Variants in TRHDE observed in about 807,000 individuals in gnomAD.
TRHDE encodes the protein thyrotropin releasing hormone degrading enzyme.
Under a neutral mutation model 125.7 loss-of-function variants are expected in TRHDE, and 72 were observed. That is an observed-to-expected ratio of 0.57 (90% CI 0.47 to 0.70). TRHDE has a LOEUF of 0.70. Ranked by LOEUF, TRHDE falls within the 30% of genes least tolerant of loss-of-function variation. The pLI is 0.00. For synonymous variants in TRHDE, 509 were observed against 509.1 expected (o/e 1.00, Z 0.00); for missense variants, 1,110 against 1,327.1 (o/e 0.84, Z 2.54).
intron 7 of TRHDE, among the ~76,000 whole-genome samples, chr12:72,554,117 G>A (rs1869809965): frequency 6.6e-6 from 1 of 152,020 alleles, no homozygotes. Context: ...CAAAGTGCCA[G>A]GATTACAGGA....
intron 1 of TRHDE, among the ~76,000 whole-genome samples, chr12:72,099,523 C>T (rs190224838): frequency 6.6e-6 from 1 of 152,204 alleles, no homozygotes; most frequent in Non-Finnish European, 1.5e-5. Flanking sequence ...AATACATAAC[C>T]TGTCAGTTGA....
intron 3 of TRHDE, among the ~76,000 whole-genome samples, chr12:72,462,784 G>A (rs765931781): frequency 1.3e-4 from 20 of 152,036 alleles, no homozygotes; most frequent in Non-Finnish European, 2.2e-4. Flanking sequence ...AGCCCCAATT[G>A]CAGTCTCATA....
chr12:72,353,893 G>T (rs1870695244), intron 2 of TRHDE, among the ~76,000 whole-genome samples: 1 of 118,814 alleles, frequency 8.4e-6, no homozygotes, highest in South Asian at 3.4e-4. Flanking sequence ...TGGAAATTGA[G>T]TATGCTAATC....
At chr12:72,535,324 A>T (rs1341579746) in intron 6 of TRHDE, among the ~76,000 whole-genome samples, 1 of 152,108 alleles carries the variant, frequency 6.6e-6, no homozygotes, top group Non-Finnish European at 1.5e-5. Context: ...TTCTAAAATA[A>T]TTATTAAAAT....
chr12:72,597,713 GTATATATATATATATA>G lies in TRHDE; in HGVS notation c.2322-21148_2322-21133del, dbSNP rs762515309. ...GAGGTATATATATGTGTGTGTGTAT[GTATATATATATATATA>G]TATATATATATATATATATATATAT... On this transcript the variant is annotated intron_variant, in intron 12 of 18. Transcript: ENST00000261180. 3.1e-3 allele frequency among the ~76,000 whole-genome samples: 57 copies of G among 18,482 alleles called. 2 individuals carry two copies. The highest frequency in any genetic ancestry group is 0.062 in the Middle Eastern group (1 of 16). The allele number at this position is 18,482 out of a possible 152,430, so 12.1% of individuals were successfully genotyped here.
intron 12 of TRHDE, among the ~76,000 whole-genome samples, chr12:72,605,217 T>C (rs1230929892): frequency 6.6e-6 from 1 of 152,112 alleles, no homozygotes; most frequent in African/African-American, 2.4e-5. Flanking sequence ...TTATAATATA[T>C]AGGTGTTAGA....
At chr12:72,618,864 T>C (rs200976741) in intron 12 of TRHDE, 27 bp from the exon 13 acceptor site, 11 of 1,463,194 alleles carry the variant, frequency 7.5e-6, no homozygotes, top group Non-Finnish European at 9.9e-6. Flanking sequence ...TGCATCATCA[T>C]GTATCTTTTT....
At chr12:72,486,554 G>A (rs1877417476) in intron 5 of TRHDE, among the ~76,000 whole-genome samples, 1 of 152,058 alleles carries the variant, frequency 6.6e-6, no homozygotes, top group Admixed American at 6.6e-5. Context: ...TGCTAATGTA[G>A]ATAACAACTG....
intron 3 of TRHDE, among the ~76,000 whole-genome samples, chr12:72,405,310 G>C (rs531350213): frequency 2.6e-4 from 39 of 152,216 alleles, no homozygotes; most frequent in African/African-American, 9.4e-4. Context: ...TAGAATATTT[G>C]TTTATAACTT....
chr12:72,386,081 T>C (rs1051886376), intron 3 of TRHDE, among the ~76,000 whole-genome samples: 5 of 152,214 alleles, frequency 3.3e-5, no homozygotes, highest in Non-Finnish European at 7.3e-5. Flanking sequence ...ATTATTTTGC[T>C]AGCTTGACAA....
chr12:72,563,318 C>T (rs1592538377), intron 9 of TRHDE, among the ~76,000 whole-genome samples: 2 of 151,996 alleles, frequency 1.3e-5, no homozygotes, highest in Admixed American at 1.3e-4. Context: ...TTCACTTTTC[C>T]CCATGAATGT....
At chr12:72,210,748 C>T (rs1042258694) in intron 2 of TRHDE, among the ~76,000 whole-genome samples, 1 of 152,172 alleles carries the variant, frequency 6.6e-6, no homozygotes, top group African/African-American at 2.4e-5. Context: ...ATTTTCATTA[C>T]TATCAGTTTT....
intron 1 of TRHDE, among the ~76,000 whole-genome samples, chr12:72,098,939 T>C (rs572689513): frequency 1.3e-5 from 2 of 152,260 alleles, no homozygotes; most frequent in African/African-American, 4.8e-5. Context: ...GCTGGCACTT[T>C]GGATCACCTG....
intron 2 of TRHDE, among the ~76,000 whole-genome samples, chr12:72,169,939 A>G (rs10879370): frequency 0.096 from 14,575 of 152,132 alleles, 1,176 homozygotes; most frequent in African/African-American, 0.22. Flanking sequence ...AGATCTTAGG[A>G]CAAAAGAAAA....
chr12:72,636,252 T>A (rs1216930542), intron 15 of TRHDE, among the ~76,000 whole-genome samples: 1 of 151,092 alleles, frequency 6.6e-6, no homozygotes, highest in Non-Finnish European at 1.5e-5. Flanking sequence ...GGTATTTTAT[T>A]CTCTTTGAAG....
intron 2 of TRHDE, among the ~76,000 whole-genome samples, chr12:72,294,558 C>T (rs1273166020): frequency 1.3e-5 from 2 of 152,088 alleles, no homozygotes; most frequent in African/African-American, 2.4e-5. Flanking sequence ...CTGCTCAGCT[C>T]TGGCTGAGCA....
rs539264821 is a variant in TRHDE at position 72,403,153 on chromosome 12, A to G, written c.1315+25032A>G. Reference sequence around the variant, plus strand: ...ATGGGCCTCTCTCAGGAAGCTGACAATCTAGTGGCATGGACAAAGAGACAC... The same window carrying G: ...ATGGGCCTCTCTCAGGAAGCTGACAGTCTAGTGGCATGGACAAAGAGACAC... On this transcript the variant is annotated intron_variant, in intron 3 of 18. Transcript: ENST00000261180. 3.3e-5 allele frequency among the ~76,000 whole-genome samples: 5 copies of G among 152,266 alleles called. No individual in the cohort carries two copies. The South Asian group carries it at 1.0e-3, about 32-fold the overall frequency.
At position 72,655,062 on chromosome 12, in the gene TRHDE, T is replaced by TTTG. The variant is rs764060662; in HGVS notation, c.2985-1847_2985-1845dup. On this transcript the variant is annotated intron_variant, in intron 17 of 18. Transcript: ENST00000261180. Reference sequence around the variant, plus strand: ...CAATGTATCAGTGTATGGACTAATTTTTGTTGTTGTTGTTGTTGTTTGTTT... The same window carrying TTTG: ...CAATGTATCAGTGTATGGACTAATTTTTGTTGTTGTTGTTGTTGTTGTTTGTTT... 9.5e-4 allele frequency among the ~76,000 whole-genome samples: 145 copies of TTTG among 152,166 alleles called. 1 individual carries two copies. The highest frequency in any genetic ancestry group is 5.6e-4 in the Non-Finnish European group (38 of 67,992).
chr12:72,435,028 G>T (rs946343862), intron 3 of TRHDE, among the ~76,000 whole-genome samples: 3 of 152,206 alleles, frequency 2.0e-5, no homozygotes, highest in African/African-American at 7.2e-5. Context: ...CAAATTGGAG[G>T]TGTATCACCC....
Sources: allele counts gnomAD v4.1 joint callset (sites outside exome capture counted in the v4.1 genomes callset), GRCh38; gene constraint gnomAD v4.1.1; transcripts MANE v1.5; gene names NCBI Gene and HGNC (gene_info 2026-07-23, HGNC 2026-07-21).